The following TTC39B variants were observed in gnomAD, a reference collection of about 807,000 sequenced individuals.
TTC39B encodes tetratricopeptide repeat domain 39B.
Under a neutral mutation model 96.6 loss-of-function variants are expected in TTC39B, and 92 were observed. The observed-to-expected ratio is 0.95, with a 90% CI of 0.80 to 1.13. The LOEUF is 1.13. TTC39B is among the 50% of genes most tolerant of loss of function. The probability of loss-of-function intolerance (pLI) is 0.00; values close to 1 mark genes in which losing one functional copy is unlikely to be tolerated. For synonymous variants in TTC39B, 367 were observed against 299.4 expected (o/e 1.23, Z -2.33); for missense variants, 955 against 809.3 (o/e 1.18, Z -2.18).
intron 17 of TTC39B, among the ~76,000 whole-genome samples, chr9:15,180,691 C>G (rs568152205): frequency 1.3e-3 from 192 of 152,282 alleles, no homozygotes; most frequent in Non-Finnish European, 2.4e-3. Flanking sequence ...CAACTTCTCT[C>G]CATTTTCCAA....
chr9:15,233,828 T>C (rs1147788), intron 2 of TTC39B, among the ~76,000 whole-genome samples: 2 of 150,158 alleles, frequency 1.3e-5, no homozygotes, highest in African/African-American at 2.5e-5. Context: ...TCCTCTGGGA[T>C]GTGAGGAGCC....
chr9:15,213,305 C>G (rs377538525), intron 4 of TTC39B, among the ~76,000 whole-genome samples: 2 of 152,154 alleles, frequency 1.3e-5, no homozygotes, highest in East Asian at 3.8e-4. Flanking sequence ...GAAGACAACA[C>G]TGGAAAATTT....
chr9:15,231,308 C>G (rs577160707), intron 2 of TTC39B, among the ~76,000 whole-genome samples: 1 of 152,072 alleles, frequency 6.6e-6, no homozygotes, highest in Non-Finnish European at 1.5e-5. Context: ...CCACCATGCC[C>G]GGCCAGCTAT....
intron 7 of TTC39B, among the ~76,000 whole-genome samples, chr9:15,200,970 G>A (rs1340266770): frequency 6.6e-6 from 1 of 152,150 alleles, no homozygotes. Flanking sequence ...CTGCACTCCA[G>A]CCTGGTGACA....
At chr9:15,231,618 A>G (rs1228227317) in intron 2 of TTC39B, among the ~76,000 whole-genome samples, 1 of 152,182 alleles carries the variant, frequency 6.6e-6, no homozygotes, top group Non-Finnish European at 1.5e-5. Context: ...TCGAGGGTAA[A>G]GCTTACAGCT....
At chr9:15,260,099 A>G (rs2131531977) in intron 2 of TTC39B, among the ~76,000 whole-genome samples, 1 of 152,300 alleles carries the variant, frequency 6.6e-6, no homozygotes, top group South Asian at 2.1e-4. Context: ...ATAAATTAAT[A>G]TTGCAATAGA....
In TTC39B at chr9:15,267,913, C is replaced by T. The variant is rs1348316826; in HGVS notation, c.275+1G>A. ...ATACTTTTTATTATGTTATTACTTA[C>T]ATTGAGATGGTTTCCAAGGCATCTT... On this transcript the variant is annotated splice_donor_variant, in intron 2 of 19. Coordinates refer to ENST00000512701, the Ensembl canonical transcript of TTC39B. LOFTEE classifies it high-confidence loss of function. 4 of 1,608,704 alleles carry T rather than the reference C, an allele frequency of 2.5e-6. No homozygotes were observed. In the African/African-American group the frequency reaches 5.3e-5, roughly 22 times the overall value.
intron 2 of TTC39B, among the ~76,000 whole-genome samples, chr9:15,248,556 A>C (rs547319957): frequency 2.6e-5 from 4 of 152,310 alleles, no homozygotes; most frequent in Admixed American, 2.6e-4. Context: ...GTTCAGCATC[A>C]TATCCCCAGA....
chr9:15,172,859 T>A (rs919538392), intron 19 of TTC39B, among the ~76,000 whole-genome samples: 1 of 152,182 alleles, frequency 6.6e-6, no homozygotes, highest in Admixed American at 6.5e-5. Flanking sequence ...TCACTGGTAA[T>A]CTTGATGTGG....
chr9:15,170,337 C>G (rs1817607453), exon 20 of TTC39B: 1 of 152,158 alleles, frequency 6.6e-6, no homozygotes, highest in African/African-American at 2.4e-5. Context: ...CTGTCAACAT[C>G]AAACACATGA....
intron 2 of TTC39B, among the ~76,000 whole-genome samples, chr9:15,228,023 T>A (rs963229790): frequency 1.3e-5 from 2 of 152,154 alleles, no homozygotes; most frequent in African/African-American, 4.8e-5. Context: ...TGCTGTGTAA[T>A]TTTTTCCCTA....
At chr9:15,288,056 G>A (rs960210549) in intron 1 of TTC39B, among the ~76,000 whole-genome samples, 5 of 151,110 alleles carry the variant, frequency 3.3e-5, no homozygotes, top group South Asian at 4.2e-4. Flanking sequence ...TATGGAACCC[G>A]ACACCTTAAT....
At position 15,306,308 on chromosome 9, in the gene TTC39B, G is replaced by A. The variant is rs928000474; in HGVS notation, c.240+776C>T. Reference sequence around the variant, plus strand: ...AATAGTCAATAAATCAACAGGTCCGGCGCGCTAGCCCCTGGGTGCTCAGGC... The same window carrying A: ...AATAGTCAATAAATCAACAGGTCCGACGCGCTAGCCCCTGGGTGCTCAGGC... On this transcript the variant is annotated intron_variant, in intron 1 of 19. Coordinates refer to ENST00000512701, the Ensembl canonical transcript of TTC39B. This position sits in a 1 kb window ranked among gnomAD's most constrained non-coding sequence, Gnocchi z 5.1. 2.6e-5 allele frequency among the ~76,000 whole-genome samples: 4 copies of A among 152,216 alleles called. No individual in the cohort carries two copies. The highest frequency in any genetic ancestry group is 4.4e-5 in the Non-Finnish European group (3 of 68,032).
intron 2 of TTC39B, among the ~76,000 whole-genome samples, chr9:15,255,472 T>C (rs940450280): frequency 2.0e-5 from 3 of 152,126 alleles, no homozygotes; most frequent in Non-Finnish European, 4.4e-5. Context: ...ATGAAGAAGT[T>C]TGGCGCATTT....
exon 5 of TTC39B, chr9:15,211,292 C>A: frequency 6.3e-7 from 1 of 1,577,076 alleles, no homozygotes; most frequent in South Asian, 1.2e-5. Context: ...AAGCGTCCTT[C>A]ATGGCAGAAA....
chr9:15,298,281 C>G (rs1824453428), intron 1 of TTC39B, among the ~76,000 whole-genome samples: 1 of 152,134 alleles, frequency 6.6e-6, no homozygotes, highest in Non-Finnish European at 1.5e-5. Context: ...TGGACTGAGC[C>G]ACGCTACCAG....
chr9:15,298,945 T>A (rs1222647933), intron 1 of TTC39B, among the ~76,000 whole-genome samples: 5 of 152,264 alleles, frequency 3.3e-5, no homozygotes, highest in Middle Eastern at 3.4e-3. Context: ...GGCTAACCCC[T>A]ACTCATTCTT....
At chr9:15,302,466 A>T (rs1824626872) in intron 1 of TTC39B, among the ~76,000 whole-genome samples, 1 of 140,494 alleles carries the variant, frequency 7.1e-6, no homozygotes, top group African/African-American at 2.6e-5. Context: ...AATACAAAAA[A>T]ATTAGCCGGG....
intron 18 of TTC39B, among the ~76,000 whole-genome samples, chr9:15,175,967 C>T (rs1160802754): frequency 6.6e-6 from 1 of 152,192 alleles, no homozygotes; most frequent in East Asian, 1.9e-4. Flanking sequence ...CAGTTGTCTC[C>T]TTGGCCAGCA....
Sources: allele counts gnomAD v4.1 joint callset (sites outside exome capture counted in the v4.1 genomes callset), GRCh38; gene constraint gnomAD v4.1.1; non-coding constraint Gnocchi (gnomAD v3.1); transcripts MANE v1.5; gene names NCBI Gene and HGNC (gene_info 2026-07-23, HGNC 2026-07-21).